PAPPA2: variants seen among roughly 807,000 people sequenced by gnomAD.
The protein encoded by PAPPA2 is pappalysin 2.
In PAPPA2, 86 loss-of-function variants were observed where a neutral mutation model predicts 176.4. The ratio of observed to expected loss-of-function variants is 0.49; its 90% CI spans 0.41 to 0.58. The LOEUF (loss-of-function observed/expected upper bound fraction) is 0.58, where lower values mean the gene tolerates loss of function less well. PAPPA2 is among the 20% of genes least tolerant of loss of function. The pLI is 0.00. For missense variants in PAPPA2, 2,073 were observed against 2,256.9 expected (o/e 0.92, Z 1.65); for synonymous variants, 809 against 852.2 (o/e 0.95, Z 0.88).
intron 1 of PAPPA2, among the ~76,000 whole-genome samples, chr1:176,478,788 G>A (rs1652253179): frequency 6.6e-6 from 1 of 152,222 alleles, no homozygotes; most frequent in South Asian, 2.1e-4. Flanking sequence ...CATTGTTGAA[G>A]TCTCTCCTGC....
intron 3 of PAPPA2, among the ~76,000 whole-genome samples, chr1:176,609,680 C>T (rs1195753718): frequency 6.6e-6 from 1 of 152,154 alleles, no homozygotes; most frequent in Non-Finnish European, 1.5e-5. Flanking sequence ...GCCCATGAGG[C>T]CATTCTCAAT....
In PAPPA2 at chr1:176,699,224, C is replaced by G. The variant is rs1660528114; in HGVS notation, c.2871C>G (p.Phe957Leu). The G allele has an allele frequency of 6.2e-7, 1 of 1,614,038 alleles. No homozygotes were observed. Among genetic ancestry groups the G allele is most frequent in the Non-Finnish European group, 8.5e-7 (1 of 1,180,026 alleles). The change falls in exon 8 of 23, where the codon TTC becomes TTG. Residue 957 changes from phenylalanine to leucine, a missense_variant. This residue lies in a region of PAPPA2 where 1,196 missense variants were observed against 1,330.4 expected (regional missense o/e 0.90). Transcript: ENST00000367662. ...PTEGCSLELL[F>L]QHPVQADTLT... ...AAGGCTGTAGCTTGGAGCTGCTCTT[C>G]CAACACCCGGTCCAAGCCGACACCC... is the stretch of plus-strand genomic sequence containing the variant.
At position 176,595,606 on chromosome 1, in the gene PAPPA2, G is replaced by A; in HGVS notation, c.1991+11G>A. 5.6e-6 allele frequency: 9 copies of A among 1,593,992 alleles called. No homozygotes were observed. Among genetic ancestry groups the A allele is most frequent in the Non-Finnish European group, 7.7e-6 (9 of 1,168,086 alleles). ...TGACTCACCCAAGAGGTAAGGGACT[G>A]GGATTTGGGGTGTCCTACTTGTAGG... On this transcript the variant is annotated intron_variant, in intron 3 of 22. Transcript: ENST00000367662.
chr1:176,570,590 G>T (rs1652266650), intron 2 of PAPPA2, among the ~76,000 whole-genome samples: 1 of 151,740 alleles, frequency 6.6e-6, no homozygotes, highest in Admixed American at 6.6e-5. Context: ...CCATGGCATG[G>T]ATCCTGAAGA....
At chr1:176,605,563 C>G (rs1654561625) in intron 3 of PAPPA2, among the ~76,000 whole-genome samples, 2 of 152,234 alleles carry the variant, frequency 1.3e-5, no homozygotes, top group South Asian at 4.1e-4. Context: ...TCAGCTTGCT[C>G]TGGCTCCTAA....
At chr1:176,799,785 C>T (rs982162055) in intron 20 of PAPPA2, among the ~76,000 whole-genome samples, 1 of 152,148 alleles carries the variant, frequency 6.6e-6, no homozygotes, top group Non-Finnish European at 1.5e-5. Flanking sequence ...TTAAACCACA[C>T]TACACCACTC....
At chr1:176,538,019 T>A (rs1213667437) in intron 1 of PAPPA2, among the ~76,000 whole-genome samples, 2 of 152,120 alleles carry the variant, frequency 1.3e-5, no homozygotes, top group Non-Finnish European at 1.5e-5. Flanking sequence ...CTCTCTCCTT[T>A]GAGACCCTGA....
intron 1 of PAPPA2, among the ~76,000 whole-genome samples, chr1:176,527,553 A>G (rs767932001): frequency 6.6e-6 from 1 of 152,184 alleles, no homozygotes; most frequent in Non-Finnish European, 1.5e-5. Flanking sequence ...GTATATGCTC[A>G]CTGCATATGT....
chr1:176,659,938 G>A (rs1658264567), intron 3 of PAPPA2, among the ~76,000 whole-genome samples: 1 of 151,974 alleles, frequency 6.6e-6, no homozygotes, highest in African/African-American at 2.4e-5. Context: ...TTTTCCTCTG[G>A]AGTTGCACAG....
chr1:176,468,210 G>A (rs1471376798), intron 1 of PAPPA2, among the ~76,000 whole-genome samples: 1 of 152,184 alleles, frequency 6.6e-6, no homozygotes. Flanking sequence ...CATCCTGGAT[G>A]TCTCTGGGCT....
chr1:176,821,264 A>G (rs1256540187), intron 21 of PAPPA2, among the ~76,000 whole-genome samples: 2 of 152,236 alleles, frequency 1.3e-5, no homozygotes, highest in East Asian at 3.8e-4. Context: ...ATAAGCCGAT[A>G]ATACAATCAT....
intron 1 of PAPPA2, among the ~76,000 whole-genome samples, chr1:176,463,724 A>G (rs1651484624): frequency 6.6e-6 from 1 of 152,154 alleles, no homozygotes; most frequent in African/African-American, 2.4e-5. Context: ...TTAGGCTGCA[A>G]CTGCTTCTGT....
At chr1:176,732,076 G>A (rs1035076903) in intron 12 of PAPPA2, among the ~76,000 whole-genome samples, 2 of 152,068 alleles carry the variant, frequency 1.3e-5, no homozygotes, top group African/African-American at 2.4e-5. Context: ...CAACCACCCA[G>A]GAAACTGTCC....
rs145770995 is a variant in PAPPA2, at chr1:176,591,807, G to A, written c.920-2717G>A. On this transcript the variant is annotated intron_variant, in intron 2 of 22. Coordinates refer to ENST00000367662, the MANE Select transcript of PAPPA2 (RefSeq NM_020318.3). The stretch of plus-strand genomic sequence containing the variant: ...GGCACCTTGGACAAATCTAAGATGC[G>A]TGATCTAGTATAATTTTTAAACAAA... Among the ~76,000 whole-genome samples, 74 of 152,206 alleles carry A rather than the reference G, an allele frequency of 4.9e-4. No homozygotes were observed. In the East Asian group the frequency reaches 0.01, roughly 21 times the overall value.
intron 17 of PAPPA2, among the ~76,000 whole-genome samples, chr1:176,787,778 A>G (rs1665004708): frequency 6.6e-6 from 1 of 152,068 alleles, no homozygotes; most frequent in African/African-American, 2.4e-5. Context: ...ATGATTTCAT[A>G]GGCCGGGCAC....
chr1:176,558,160 CA>C (rs1236827668), intron 2 of PAPPA2, among the ~76,000 whole-genome samples: 1 of 152,138 alleles, frequency 6.6e-6, no homozygotes, highest in Non-Finnish European at 1.5e-5. Context: ...TTGAATTCCC[CA>C]TGACAGAACC....
chr1:176,634,813 G>A, intron 3 of PAPPA2, among the ~76,000 whole-genome samples: 1 of 139,206 alleles, frequency 7.2e-6, no homozygotes, highest in Non-Finnish European at 1.6e-5. Flanking sequence ...TAGATAGATA[G>A]ATAGATAGAT....
intron 1 of PAPPA2, among the ~76,000 whole-genome samples, chr1:176,504,327 G>A (rs1250752795): frequency 6.6e-6 from 1 of 151,966 alleles, no homozygotes; most frequent in East Asian, 1.9e-4. Context: ...TTATTTCAGA[G>A]GCATCAATTT....
At chr1:176,634,877 CATAGACACATAG>C (rs1656587758) in intron 3 of PAPPA2, among the ~76,000 whole-genome samples, 4 of 138,886 alleles carry the variant, frequency 2.9e-5, no homozygotes, top group Non-Finnish European at 6.3e-5. Context: ...TAGATAGATA[CATAGACACATAG>C]ATAGATAGAC....
Sources: allele counts gnomAD v4.1 joint callset (sites outside exome capture counted in the v4.1 genomes callset), GRCh38; gene constraint gnomAD v4.1.1; regional missense constraint gnomAD v4.1.1; transcripts MANE v1.5; gene names NCBI Gene and HGNC (gene_info 2026-07-23, HGNC 2026-07-21).